Variants in DOK6 observed in about 807,000 individuals in gnomAD.
DOK6 encodes docking protein 6, also known as downstream of tyrosine kinase 6.
A neutral mutation model predicts 44.0 loss-of-function variants in DOK6; 22 were observed. The ratio of observed to expected loss-of-function variants is 0.50; its 90% confidence interval spans 0.36 to 0.71. DOK6 has a LOEUF of 0.71. Among genes scored for constraint, DOK6 ranks in the 30% least tolerant of loss-of-function variants. The pLI is 0.00. For missense variants in DOK6, 340 were observed against 416.4 expected (o/e 0.82, Z 1.60); for synonymous variants, 166 against 145.5 (o/e 1.14, Z -1.01).
At chr18:69,648,627 C>T (rs1000156354) in intron 3 of DOK6, among the ~76,000 whole-genome samples, 1 of 152,150 alleles carries the variant, frequency 6.6e-6, no homozygotes, top group South Asian at 2.1e-4. Context: ...ACTAAGTGTA[C>T]TAAATATCGT....
At chr18:69,448,104 G>A (rs79136640) in intron 1 of DOK6, among the ~76,000 whole-genome samples, 1,859 of 152,264 alleles carry the variant, frequency 0.012, 18 homozygotes, top group Middle Eastern at 0.024. Context: ...TGTCTTTATC[G>A]CCATCACTCA....
At chr18:69,705,139 T>A (rs1290804153) in intron 5 of DOK6, 2 of 152,216 alleles carry the variant, frequency 1.3e-5, no homozygotes, top group Non-Finnish European at 2.9e-5. Context: ...ATATTCGAAC[T>A]GGACGTTGGG....
rs544864061 is a variant in DOK6 at position 69,504,838 on chromosome 18, C to G, written c.67-59649C>G. On this transcript the variant is annotated intron_variant, in intron 1 of 7. Transcript: ENST00000382713. ...CCACGAGAGCTATTTAAATATTTTT[C>G]CTATTTTCCACCAATATCTCAGTTT... is the stretch of plus-strand genomic sequence containing the variant. Among the ~76,000 whole-genome samples the G allele has an allele frequency of 9.9e-4, 150 of 152,196 alleles. 2 individuals are homozygous for G. Among genetic ancestry groups the G allele is most frequent in the African/African-American group, 3.3e-3 (138 of 41,520 alleles).
At chr18:69,779,959 T>C (rs1056657832) in intron 7 of DOK6, among the ~76,000 whole-genome samples, 3 of 152,160 alleles carry the variant, frequency 2.0e-5, no homozygotes, top group African/African-American at 7.2e-5. Flanking sequence ...AGTATCCTAT[T>C]TATTGTGTTA....
intron 1 of DOK6, among the ~76,000 whole-genome samples, chr18:69,414,098 C>T (rs563095578): frequency 1.4e-4 from 21 of 152,090 alleles, no homozygotes; most frequent in African/African-American, 4.1e-4. Context: ...AATGCTGACA[C>T]GAATCCAGAG....
intron 1 of DOK6, among the ~76,000 whole-genome samples, chr18:69,523,079 G>C (rs1056395916): frequency 2.6e-5 from 4 of 152,060 alleles, no homozygotes; most frequent in African/African-American, 9.7e-5. Flanking sequence ...TTCGCCAGGG[G>C]AACTTTGGTG....
chr18:69,630,802 A>G (rs1351879880), intron 3 of DOK6, among the ~76,000 whole-genome samples: 1 of 152,210 alleles, frequency 6.6e-6, no homozygotes, highest in Non-Finnish European at 1.5e-5. Context: ...AATTCCCATG[A>G]AATGCTTCTG....
intron 1 of DOK6, among the ~76,000 whole-genome samples, chr18:69,485,907 A>G (rs55638488): frequency 0.21 from 27,664 of 133,358 alleles, 2,961 homozygotes; most frequent in Non-Finnish European, 0.25. Flanking sequence ...GTGTGTGTGT[A>G]TATGTATATC....
chr18:69,698,449 A>G lies in DOK6; in HGVS notation c.455A>G (p.Tyr152Cys). The G allele has an allele frequency of 6.2e-7, 1 of 1,613,902 alleles. No homozygotes were observed. Among genetic ancestry groups the G allele is most frequent in the Non-Finnish European group, 8.5e-7 (1 of 1,179,874 alleles). Residue 152 changes from tyrosine (Y) to cysteine (C), a missense_variant, in exon 5 of 8, where the codon TAT (tyrosine) becomes TGT (cysteine). Physicochemically the swap from Tyr to Cys is radical, Grantham distance 194. Transcript: ENST00000382713. ...ATGCCTACACCAAACCTGGATATTT[A>G]TGGTGAATGCACAATGCAGATCACT... The part of the protein sequence containing the change: ...YLMPTPNLDI[Y>C]GECTMQITHE...
At chr18:69,587,690 A>G (rs374094973) in intron 2 of DOK6, among the ~76,000 whole-genome samples, 25 of 152,044 alleles carry the variant, frequency 1.6e-4, no homozygotes, top group African/African-American at 5.8e-4. Flanking sequence ...TCAAAGTAAG[A>G]GCGATGTTGT....
chr18:69,594,359 C>A (rs112127132), intron 2 of DOK6, among the ~76,000 whole-genome samples: 2,593 of 151,472 alleles, frequency 0.017, 87 homozygotes, highest in African/African-American at 0.06. Flanking sequence ...TATAAGCAAA[C>A]CTCTTTAAGT....
At chr18:69,648,838 C>A (rs1985149205) in intron 3 of DOK6, among the ~76,000 whole-genome samples, 1 of 152,112 alleles carries the variant, frequency 6.6e-6, no homozygotes, top group South Asian at 2.1e-4. Context: ...TTTTTTATTT[C>A]CTAGTTCCTA....
intron 1 of DOK6, among the ~76,000 whole-genome samples, chr18:69,487,251 G>T (rs1216743657): frequency 6.6e-6 from 1 of 151,164 alleles, no homozygotes; most frequent in Non-Finnish European, 1.5e-5. Context: ...GTGTTGGGGG[G>T]TATCAGCCCT....
chr18:69,557,115 G>A (rs1270887951), intron 1 of DOK6, among the ~76,000 whole-genome samples: 3 of 152,216 alleles, frequency 2.0e-5, no homozygotes, highest in South Asian at 2.1e-4. Context: ...CTTTCAGAAC[G>A]GAACACAAAC....
chr18:69,748,568 A>G (rs1599303464), intron 6 of DOK6, among the ~76,000 whole-genome samples: 1 of 152,188 alleles, frequency 6.6e-6, no homozygotes, highest in Non-Finnish European at 1.5e-5. Context: ...TAAGAAACTC[A>G]CTCAAAACCA....
At chr18:69,581,521 G>T (rs1009145453) in intron 2 of DOK6, among the ~76,000 whole-genome samples, 2 of 152,034 alleles carry the variant, frequency 1.3e-5, no homozygotes, top group African/African-American at 4.8e-5. Flanking sequence ...AATTTTTTAG[G>T]CTGACAAAAT....
chr18:69,715,535 T>C (rs1466051985), intron 5 of DOK6, among the ~76,000 whole-genome samples: 1 of 152,228 alleles, frequency 6.6e-6, no homozygotes, highest in Admixed American at 6.5e-5. Flanking sequence ...TCACGCACCC[T>C]GTTGCATGAC....
At chr18:69,723,027 TAA>T (rs1211855195) in intron 5 of DOK6, among the ~76,000 whole-genome samples, 1 of 152,162 alleles carries the variant, frequency 6.6e-6, no homozygotes, top group African/African-American at 2.4e-5. Flanking sequence ...AATCAGAAAC[TAA>T]GTCTTTTTTA....
intron 1 of DOK6, among the ~76,000 whole-genome samples, chr18:69,414,122 G>A (rs1236108931): frequency 2.0e-5 from 3 of 151,992 alleles, no homozygotes; most frequent in African/African-American, 7.2e-5. Flanking sequence ...CTGGATAGCT[G>A]GGTCACTCAT....
Sources: gnomAD v4.1 joint callset for allele counts (sites outside exome capture counted in the v4.1 genomes callset) on GRCh38, gnomAD v4.1.1 for gene constraint, MANE v1.5 for transcripts, NCBI Gene and HGNC (gene_info 2026-07-23, HGNC 2026-07-21) for gene names.